Variants in PLXDC2 observed in about 807,000 individuals in gnomAD.
PLXDC2 encodes plexin domain containing 2.
In PLXDC2, 40 loss-of-function variants were observed where a neutral mutation model predicts 68.9. The ratio of observed to expected loss-of-function variants is 0.58; its 90% CI spans 0.45 to 0.76. PLXDC2 has a LOEUF of 0.76. PLXDC2 is among the 30% of genes least tolerant of loss of function. PLXDC2 has a pLI of 0.00. For synonymous variants in PLXDC2, 243 were observed against 234.2 expected, an observed-to-expected ratio of 1.04 and a Z score of -0.34; for missense variants, 644 against 661.9, an observed-to-expected ratio of 0.97 and a Z score of 0.30.
At chr10:19,828,022 T>A (rs1367291578) in intron 1 of PLXDC2, among the ~76,000 whole-genome samples, 2 of 152,218 alleles carry the variant, frequency 1.3e-5, no homozygotes. Context: ...TTAATTAAAA[T>A]GAACAACTCA....
intron 1 of PLXDC2, among the ~76,000 whole-genome samples, chr10:19,885,053 T>C (rs1007882664): frequency 1.4e-4 from 21 of 152,186 alleles, no homozygotes; most frequent in African/African-American, 4.8e-4. Context: ...TTGTAACTGG[T>C]GTGAGATGAT....
At chr10:20,120,893 A>G (rs929849953) in intron 4 of PLXDC2, among the ~76,000 whole-genome samples, 4 of 152,146 alleles carry the variant, frequency 2.6e-5, no homozygotes, top group African/African-American at 4.8e-5. Flanking sequence ...GGTGTGTGGC[A>G]ATTAGGCCTG....
At chr10:19,925,442 T>A (rs1296620522) in intron 1 of PLXDC2, among the ~76,000 whole-genome samples, 1 of 152,228 alleles carries the variant, frequency 6.6e-6, no homozygotes, top group Non-Finnish European at 1.5e-5. Flanking sequence ...ATCTGCTTTT[T>A]AAAAATTTAT....
intron 4 of PLXDC2, among the ~76,000 whole-genome samples, chr10:20,117,364 G>A (rs972776083): frequency 6.6e-6 from 1 of 152,132 alleles, no homozygotes; most frequent in African/African-American, 2.4e-5. Flanking sequence ...TAACTCCAAT[G>A]CAATTTCAGT....
At chr10:19,989,673 GATTT>G (rs1035291505) in intron 1 of PLXDC2, among the ~76,000 whole-genome samples, 1 of 151,308 alleles carries the variant, frequency 6.6e-6, no homozygotes, top group Non-Finnish European at 1.5e-5. Flanking sequence ...CCTTTTTAAT[GATTT>G]ATTTTTTATA....
At chr10:20,101,016 G>A (rs1248297227) in intron 4 of PLXDC2, among the ~76,000 whole-genome samples, 1 of 152,134 alleles carries the variant, frequency 6.6e-6, no homozygotes, top group East Asian at 1.9e-4. Flanking sequence ...AAGATTTCAA[G>A]CCATTTATTG....
chr10:20,078,123 G>T (rs897732102), intron 4 of PLXDC2, among the ~76,000 whole-genome samples: 3 of 151,920 alleles, frequency 2.0e-5, no homozygotes, highest in Non-Finnish European at 4.4e-5. Flanking sequence ...AGATTATCTT[G>T]CAGAAATTTT....
At chr10:20,023,564 C>A (rs1233354599) in intron 2 of PLXDC2, among the ~76,000 whole-genome samples, 1 of 152,114 alleles carries the variant, frequency 6.6e-6, no homozygotes, top group Non-Finnish European at 1.5e-5. Context: ...CTTGCCCTTT[C>A]TTTGCCCTTC....
chr10:20,118,852 G>T (rs1196995454), intron 4 of PLXDC2, among the ~76,000 whole-genome samples: 1 of 151,510 alleles, frequency 6.6e-6, no homozygotes, highest in Non-Finnish European at 1.5e-5. Context: ...CTGAATATCA[G>T]AGCATTTAAA....
chr10:19,934,633 G>A lies in PLXDC2; in HGVS notation c.113-67142G>A, dbSNP rs372248166. On this transcript the variant is annotated intron_variant, in intron 1 of 13. Coordinates refer to ENST00000377252, the MANE Select transcript of PLXDC2 (RefSeq NM_032812.9). ...TAATTTGCTGAGGTGTTTTGGTGGC[G>A]AAAGAAAGATTATGGGCATAGCTTC... Among the ~76,000 whole-genome samples the A allele has an allele frequency of 2.2e-4, 34 of 152,310 alleles. No homozygotes were observed. In the South Asian group the frequency reaches 5.6e-3, roughly 25 times the overall value.
intron 1 of PLXDC2, among the ~76,000 whole-genome samples, chr10:19,926,215 A>T (rs1833535295): frequency 6.6e-6 from 1 of 152,210 alleles, no homozygotes; most frequent in Non-Finnish European, 1.5e-5. Context: ...GTGACTTTCT[A>T]TCATCCCATG....
At chr10:20,214,016 C>T (rs1349838556) in intron 10 of PLXDC2, among the ~76,000 whole-genome samples, 1 of 152,104 alleles carries the variant, frequency 6.6e-6, no homozygotes, top group East Asian at 1.9e-4. Flanking sequence ...CTCCCTTCAT[C>T]TTGTTTAATA....
At chr10:19,907,112 C>T (rs752877125) in intron 1 of PLXDC2, among the ~76,000 whole-genome samples, 15 of 151,994 alleles carry the variant, frequency 9.9e-5, no homozygotes, top group Non-Finnish European at 1.9e-4. Context: ...CATTTTTTTC[C>T]ATGGAAATGT....
At chr10:20,033,156 C>T (rs1013903044) in intron 2 of PLXDC2, among the ~76,000 whole-genome samples, 1 of 151,298 alleles carries the variant, frequency 6.6e-6, no homozygotes, top group African/African-American at 2.4e-5. Flanking sequence ...ACGTTGTGCA[C>T]ATGTACCCTA....
chr10:19,873,294 G>C lies in PLXDC2; in HGVS notation c.112+56103G>C, dbSNP rs368618166. Among the ~76,000 whole-genome samples the C allele has an allele frequency of 2.6e-5, 4 of 151,602 alleles. No homozygotes were observed. The East Asian group carries it at 5.9e-4, about 22-fold the overall frequency. On this transcript the variant is annotated intron_variant, in intron 1 of 13. Transcript: ENST00000377252. ...ATTGGATGGCACACTCAACAGAGTA[G>C]TTTGTGGGTCTGTTTGTTTTGTTTT...
intron 3 of PLXDC2, among the ~76,000 whole-genome samples, chr10:20,056,350 G>C (rs1230282457): frequency 6.6e-6 from 1 of 152,038 alleles, no homozygotes; most frequent in Admixed American, 6.6e-5. Flanking sequence ...GTATTTCTCT[G>C]CATGCCTGGG....
In PLXDC2 at chr10:19,943,216, C is replaced by T. The variant is rs749077922; in HGVS notation, c.113-58559C>T. On this transcript the variant is annotated intron_variant, in intron 1 of 13. Transcript: ENST00000377252. Reference sequence around the variant, plus strand: ...TATTGAATAATCCAGATTTAGCCAACTTTTGCTGTTTGCTGATTTGATAGA... The same window carrying T: ...TATTGAATAATCCAGATTTAGCCAATTTTTGCTGTTTGCTGATTTGATAGA... Among the ~76,000 whole-genome samples, 11 of 151,750 alleles carry T rather than the reference C, an allele frequency of 7.2e-5. No individual in the cohort carries two copies. The South Asian group carries it at 8.4e-4, about 12-fold the overall frequency.
At chr10:19,825,485 A>C (rs1471966742) in intron 1 of PLXDC2, among the ~76,000 whole-genome samples, 1 of 152,144 alleles carries the variant, frequency 6.6e-6, no homozygotes, top group Non-Finnish European at 1.5e-5. Context: ...AGGATACTGT[A>C]TTCTTGGGTC....
chr10:19,885,987 CATGG>C (rs1386961251), intron 1 of PLXDC2, among the ~76,000 whole-genome samples: 8 of 152,138 alleles, frequency 5.3e-5, no homozygotes, highest in African/African-American at 1.9e-4. Context: ...TACCCATGAG[CATGG>C]AATGTTCTTC....
Sources: gnomAD v4.1 joint callset for allele counts (sites outside exome capture counted in the v4.1 genomes callset) on GRCh38, gnomAD v4.1.1 for gene constraint, MANE v1.5 for transcripts, NCBI Gene and HGNC (gene_info 2026-07-23, HGNC 2026-07-21) for gene names.